Variants in RBMS3 observed in about 807,000 individuals in gnomAD.
The protein encoded by RBMS3 is RNA-binding motif, single-stranded-interacting protein 3.
Under a neutral mutation model 66.8 loss-of-function variants are expected in RBMS3, and 27 were observed. The observed-to-expected ratio is 0.40, with a 90% CI of 0.30 to 0.56. The LOEUF is 0.56. RBMS3 is among the 20% of genes least tolerant of loss of function. The pLI, the probability that RBMS3 is intolerant of heterozygous loss-of-function variation, is 0.40. For missense variants in RBMS3, 513 were observed against 549.5 expected, an observed-to-expected ratio of 0.93 and a Z score of 0.66; for synonymous variants, 188 against 183.0, an observed-to-expected ratio of 1.03 and a Z score of -0.22.
chr3:29,950,142 A>G (rs916863472), intron 12 of RBMS3, among the ~76,000 whole-genome samples: 22 of 151,974 alleles, frequency 1.4e-4, no homozygotes, highest in African/African-American at 5.1e-4. Context: ...TAAAAGCCGA[A>G]CACTACACAG....
intron 1 of RBMS3, among the ~76,000 whole-genome samples, chr3:29,338,581 G>T (rs370236549): frequency 7.2e-5 from 11 of 152,022 alleles, no homozygotes; most frequent in African/African-American, 2.7e-4. Context: ...ATCTGTATGT[G>T]AAAAGCTCTT....
At chr3:29,330,563 G>A (rs1026666653) in intron 1 of RBMS3, among the ~76,000 whole-genome samples, 1 of 152,018 alleles carries the variant, frequency 6.6e-6, no homozygotes, top group African/African-American at 2.4e-5. Flanking sequence ...TCTATTCTCA[G>A]CCTTCATTAT....
At chr3:29,376,321 C>A (rs909089359) in intron 1 of RBMS3, among the ~76,000 whole-genome samples, 2 of 152,176 alleles carry the variant, frequency 1.3e-5, no homozygotes. Flanking sequence ...AACACACCTG[C>A]ACATCCTGTG....
At chr3:29,354,464 C>T (rs2037098302) in intron 1 of RBMS3, among the ~76,000 whole-genome samples, 1 of 151,900 alleles carries the variant, frequency 6.6e-6, no homozygotes, top group African/African-American at 2.4e-5. Context: ...TCTGTGGTAC[C>T]CATTTGCATG....
In RBMS3 at chr3:29,698,233, T is replaced by TA. The variant is rs564521537; in HGVS notation, c.400-41485dup. Reference sequence around the variant, plus strand: ...TTATAAGAGTCCAGAAAGTTCTGAGTAATGCACAGAATTCTACATACACAG... The same window carrying TA: ...TTATAAGAGTCCAGAAAGTTCTGAGTAAATGCACAGAATTCTACATACACAG... On this transcript the variant is annotated intron_variant, in intron 4 of 14. Transcript: ENST00000383767. 1,741 of 985,290 alleles carry TA rather than the reference T, an allele frequency of 1.8e-3. 4 individuals carry two copies. The highest frequency in any genetic ancestry group is 6.8e-3 in the Middle Eastern group (13 of 1,912). 61.0% of individuals were successfully genotyped at this position (985,290 alleles called of 1,614,324 possible).
intron 1 of RBMS3, among the ~76,000 whole-genome samples, chr3:29,300,656 C>A (rs940582745): frequency 1.3e-5 from 2 of 151,798 alleles, no homozygotes; most frequent in African/African-American, 4.8e-5. Flanking sequence ...AAAAGTTTTG[C>A]GTGAGTTTTG....
At chr3:29,503,913 TG>T (rs1326710506) in intron 3 of RBMS3, among the ~76,000 whole-genome samples, 6 of 152,002 alleles carry the variant, frequency 3.9e-5, no homozygotes, top group Non-Finnish European at 2.9e-5. Flanking sequence ...GGAGAAGCTA[TG>T]GGGAAAAAAT....
chr3:29,540,389 A>G (rs1292027804), intron 3 of RBMS3, among the ~76,000 whole-genome samples: 1 of 152,098 alleles, frequency 6.6e-6, no homozygotes, highest in African/African-American at 2.4e-5. Flanking sequence ...ACCTCTTTTC[A>G]TTTGACTCTA....
intron 6 of RBMS3, among the ~76,000 whole-genome samples, chr3:29,831,730 G>A (rs1029277843): frequency 2.0e-5 from 3 of 152,060 alleles, no homozygotes; most frequent in Non-Finnish European, 2.9e-5. Flanking sequence ...ATAATTTTAT[G>A]TAAGGACCTG....
At chr3:29,385,166 C>A (rs1377594236) in intron 1 of RBMS3, among the ~76,000 whole-genome samples, 1 of 152,036 alleles carries the variant, frequency 6.6e-6, no homozygotes, top group African/African-American at 2.4e-5. Flanking sequence ...GAAAGCAAAC[C>A]CCTTAAAGAG....
At chr3:29,717,896 G>A (rs2053471323) in intron 4 of RBMS3, among the ~76,000 whole-genome samples, 1 of 152,062 alleles carries the variant, frequency 6.6e-6, no homozygotes, top group South Asian at 2.1e-4. Flanking sequence ...CAAGCGTTTT[G>A]TATTTCTCAG....
At chr3:29,404,440 G>A (rs13079920) in intron 1 of RBMS3, among the ~76,000 whole-genome samples, 43,649 of 151,978 alleles carry the variant, frequency 0.29, 7,481 homozygotes, top group Admixed American at 0.39. Flanking sequence ...ATATGTTATA[G>A]GTACAGCTTA....
intron 5 of RBMS3, among the ~76,000 whole-genome samples, chr3:29,748,092 A>G (rs911058096): frequency 3.9e-5 from 6 of 152,204 alleles, no homozygotes; most frequent in Non-Finnish European, 8.8e-5. Flanking sequence ...GCAAGAGGTA[A>G]GAGAATGATG....
chr3:29,711,314 T>A (rs2053158146), intron 4 of RBMS3, among the ~76,000 whole-genome samples: 1 of 152,176 alleles, frequency 6.6e-6, no homozygotes, highest in African/African-American at 2.4e-5. Flanking sequence ...AAATGGACAT[T>A]GTGTCCACTT....
At chr3:29,794,134 C>T (rs1270833685) in intron 6 of RBMS3, among the ~76,000 whole-genome samples, 1 of 152,168 alleles carries the variant, frequency 6.6e-6, no homozygotes, top group Non-Finnish European at 1.5e-5. Flanking sequence ...GCCAATTAAA[C>T]CTCTTTTCTT....
intron 4 of RBMS3, among the ~76,000 whole-genome samples, chr3:29,687,074 G>C (rs535408937): frequency 2.6e-5 from 4 of 152,264 alleles, no homozygotes; most frequent in African/African-American, 9.6e-5. Context: ...TTGAAAGTGG[G>C]TTTTTGTGGG....
chr3:29,309,783 T>C (rs1023553343), intron 1 of RBMS3, among the ~76,000 whole-genome samples: 1 of 151,658 alleles, frequency 6.6e-6, no homozygotes, highest in African/African-American at 2.4e-5. Context: ...ATGCATTGCA[T>C]TTAATAATTT....
At chr3:29,906,859 A>G (rs1414897381) in intron 10 of RBMS3, among the ~76,000 whole-genome samples, 2 of 152,102 alleles carry the variant, frequency 1.3e-5, no homozygotes, top group East Asian at 3.9e-4. Flanking sequence ...CCCATTATAT[A>G]TATCATATGT....
intron 11 of RBMS3, among the ~76,000 whole-genome samples, chr3:29,940,479 G>A (rs2061366262): frequency 6.6e-6 from 1 of 151,870 alleles, no homozygotes; most frequent in Non-Finnish European, 1.5e-5. Context: ...AGTGATCAGG[G>A]CTGACGGAAG....
Sources: gnomAD v4.1 joint callset for allele counts (sites outside exome capture counted in the v4.1 genomes callset) on GRCh38, gnomAD v4.1.1 for gene constraint, MANE v1.5 for transcripts, NCBI Gene and HGNC (gene_info 2026-07-23, HGNC 2026-07-21) for gene names.